MARK3: variants seen among roughly 807,000 people sequenced by gnomAD.
The protein encoded by MARK3 is MAP/microtubule affinity-regulating kinase 3.
In MARK3, 46 loss-of-function variants were observed where a neutral mutation model predicts 90.1. The ratio of observed to expected loss-of-function variants is 0.51; its 90% CI spans 0.40 to 0.65. MARK3 has a LOEUF of 0.65. MARK3 is among the 30% of genes least tolerant of loss of function. The pLI is 0.00. For missense variants in MARK3, 818 were observed against 947.2 expected, an observed-to-expected ratio of 0.86 and a Z score of 1.79; for synonymous variants, 321 against 332.6, an observed-to-expected ratio of 0.97 and a Z score of 0.38.
intron 6 of MARK3, among the ~76,000 whole-genome samples, chr14:103,459,071 T>G (rs1271860742): frequency 6.6e-6 from 1 of 152,230 alleles, no homozygotes; most frequent in Admixed American, 6.5e-5. Context: ...TGTGGCTCTT[T>G]CCATAACTGT....
intron 14 of MARK3, among the ~76,000 whole-genome samples, chr14:103,481,640 CGTGTGTGTGT>C (rs3071411): frequency 6.7e-6 from 1 of 150,330 alleles, no homozygotes; most frequent in Non-Finnish European, 1.5e-5. Context: ...TTTTATGACT[CGTGTGTGTGT>C]GTGTGTGTGT....
At chr14:103,423,214 T>TTTTTTTTTTTTTTTTTTTC in intron 2 of MARK3, among the ~76,000 whole-genome samples, 1 of 147,668 alleles carries the variant, frequency 6.8e-6, no homozygotes, top group Non-Finnish European at 1.5e-5. Context: ...TTTTTTTTTT[T>TTTTTTTTTTTTTTTTTTTC]GCCTCCTCTT....
chr14:103,491,504 T>A (rs2094015904), intron 14 of MARK3: 1 of 370,420 alleles, frequency 2.7e-6, no homozygotes, highest in Non-Finnish European at 4.9e-6. Flanking sequence ...TTGAGTTAGC[T>A]GTTCTCTGTC....
At chr14:103,412,295 A>T in intron 2 of MARK3, 1 of 648,378 alleles carries the variant, frequency 1.5e-6, no homozygotes, top group Non-Finnish European at 2.7e-6. Context: ...TAACATGTTC[A>T]TATGAAACTT....
intron 2 of MARK3, among the ~76,000 whole-genome samples, chr14:103,423,504 C>T (rs775342309): frequency 6.6e-6 from 1 of 152,182 alleles, no homozygotes; most frequent in Non-Finnish European, 1.5e-5. Context: ...TTTGTTGAGT[C>T]TCCCTTTACC....
rs2075772657 is a variant in MARK3 at position 103,503,315 on chromosome 14, C to A, written c.*88C>A. On this transcript the variant is annotated 3_prime_UTR_variant, in exon 18 of 18. Coordinates refer to ENST00000429436, the MANE Select transcript of MARK3 (RefSeq NM_001128918.3). ...GTATAGAATAATATTTAGGCAATAA[C>A]GTCTGCATCTTCTAAATCATGAAAT... 8.8e-7 allele frequency: 1 copy of A among 1,137,022 alleles called. No individual in the cohort carries two copies. Among genetic ancestry groups the A allele is most frequent in the Non-Finnish European group, 1.2e-6 (1 of 801,028 alleles). 70.4% of individuals were successfully genotyped at this position (1,137,022 alleles called of 1,614,324 possible). A position where few individuals can be genotyped will look rare whatever the true frequency, so the allele number is the denominator to read the frequency against.
intron 3 of MARK3, among the ~76,000 whole-genome samples, chr14:103,433,243 G>A (rs2092635792): frequency 6.6e-6 from 1 of 151,670 alleles, no homozygotes; most frequent in African/African-American, 2.4e-5. Flanking sequence ...GTGCCACCAC[G>A]CCTGGCTAAT....
intron 15 of MARK3, 79 bp downstream of exon 15, chr14:103,492,113 C>T (rs1426832779): frequency 1.3e-6 from 2 of 1,500,638 alleles, no homozygotes; most frequent in African/African-American, 2.8e-5. Context: ...TGTGAAGCCA[C>T]TGCTACCTGG....
At position 103,437,321 on chromosome 14, in the gene MARK3, G is replaced by T. The variant is rs142539861; in HGVS notation, c.297+8881G>T. On this transcript the variant is annotated intron_variant, in intron 3 of 17. Coordinates refer to ENST00000429436, the MANE Select transcript of MARK3 (RefSeq NM_001128918.3). ...AGGCAGGAAAATGGTGTGAACCTGGGAGGCGGAGCTTGCAGTGAGCCGAGA... is the reference window on the plus strand; with the variant it reads ...AGGCAGGAAAATGGTGTGAACCTGGTAGGCGGAGCTTGCAGTGAGCCGAGA... Among the ~76,000 whole-genome samples the T allele has an allele frequency of 9.5e-4, 145 of 152,036 alleles. 2 individuals carry two copies. In the East Asian group the frequency reaches 0.026, roughly 27 times the overall value.
At chr14:103,393,170 A>G (rs1176059447) in intron 1 of MARK3, among the ~76,000 whole-genome samples, 1 of 152,000 alleles carries the variant, frequency 6.6e-6, no homozygotes, top group Non-Finnish European at 1.5e-5. Flanking sequence ...TTCGGTAGAG[A>G]CTGGGTTTCA....
intron 2 of MARK3, among the ~76,000 whole-genome samples, chr14:103,413,144 G>T (rs1315108431): frequency 6.6e-6 from 1 of 152,088 alleles, no homozygotes; most frequent in Admixed American, 6.6e-5. Flanking sequence ...AAAGTGCTGG[G>T]ATTACCAGTG....
At chr14:103,416,429 G>A (rs367899704) in intron 2 of MARK3, among the ~76,000 whole-genome samples, 1 of 152,146 alleles carries the variant, frequency 6.6e-6, no homozygotes, top group Non-Finnish European at 1.5e-5. Context: ...TGAGGGGATG[G>A]TGGAGGCATT....
chr14:103,423,890 T>C (rs1289606597), intron 2 of MARK3, among the ~76,000 whole-genome samples: 2 of 152,192 alleles, frequency 1.3e-5, no homozygotes, highest in Non-Finnish European at 2.9e-5. Flanking sequence ...TGAATAGCAG[T>C]ACCTGAAGAT....
chr14:103,498,477 T>C, intron 15 of MARK3, 25 bp from the exon 16 acceptor site: 1 of 1,315,508 alleles, frequency 7.6e-7, no homozygotes. Flanking sequence ...TTAATTTTTT[T>C]TTTTTTTTAC....
intron 1 of MARK3, among the ~76,000 whole-genome samples, chr14:103,400,146 C>G (rs1362656783): frequency 6.6e-6 from 1 of 152,146 alleles, no homozygotes; most frequent in Non-Finnish European, 1.5e-5. Context: ...CCAGGCAGGT[C>G]TCAAACTCCT....
intron 6 of MARK3, 109 bp downstream of exon 6, chr14:103,457,321 C>G (rs1326366419): frequency 1.3e-6 from 1 of 748,020 alleles, no homozygotes; most frequent in Non-Finnish European, 2.3e-6. Flanking sequence ...TGTTGGATGG[C>G]AGGGGTTGGC....
chr14:103,453,644 A>G (rs910361109), intron 5 of MARK3, among the ~76,000 whole-genome samples: 6 of 152,186 alleles, frequency 3.9e-5, no homozygotes, highest in African/African-American at 1.4e-4. Context: ...CTTCAGGGGT[A>G]GTAGAAAGAG....
intron 3 of MARK3, among the ~76,000 whole-genome samples, chr14:103,431,193 G>A (rs1411351259): frequency 1.3e-5 from 2 of 152,122 alleles, no homozygotes; most frequent in Non-Finnish European, 2.9e-5. Context: ...TTGGGTTCAA[G>A]CAATTCTTCT....
intron 12 of MARK3, 71 bp downstream of exon 12, chr14:103,468,257 T>A: frequency 7.7e-7 from 1 of 1,295,980 alleles, no homozygotes; most frequent in African/African-American, 1.5e-5. Flanking sequence ...TGGGAAGCAT[T>A]CTCTTGCTCA....
Sources: gnomAD v4.1 joint callset for allele counts (sites outside exome capture counted in the v4.1 genomes callset) on GRCh38, gnomAD v4.1.1 for gene constraint, MANE v1.5 for transcripts, NCBI Gene and HGNC (gene_info 2026-07-23, HGNC 2026-07-21) for gene names.